MBD5: variants seen among roughly 807,000 people sequenced by gnomAD.
The protein encoded by MBD5 is methyl-CpG binding domain protein 5, also known as methyl-CpG-binding domain protein 5.
Under a neutral mutation model 117.3 loss-of-function variants are expected in MBD5, and 13 were observed. The ratio of observed to expected loss-of-function variants is 0.11; its 90% confidence interval spans 0.07 to 0.18. The LOEUF is 0.18. Among genes scored for constraint, MBD5 ranks in the 10% least tolerant of loss-of-function variants. The probability of loss-of-function intolerance (pLI) is 1.00; values close to 1 mark genes in which losing one functional copy is unlikely to be tolerated. For missense variants in MBD5, 1,879 were observed against 2,093.8 expected (o/e 0.90, Z 2.00); for synonymous variants, 727 against 766.4 (o/e 0.95, Z 0.85).
At chr2:148,511,145 T>A (rs1033200497) in intron 13 of MBD5, among the ~76,000 whole-genome samples, 2 of 152,154 alleles carry the variant, frequency 1.3e-5, no homozygotes, top group Non-Finnish European at 2.9e-5. Context: ...TCTTAGGACC[T>A]CAGAGTGCTC....
At chr2:148,427,310 C>T (rs531083206) in intron 4 of MBD5, among the ~76,000 whole-genome samples, 159 of 152,188 alleles carry the variant, frequency 1.0e-3, no homozygotes, top group African/African-American at 3.7e-3. Context: ...GGGTATATAC[C>T]CAAAGGATTA....
At chr2:148,075,650 A>G (rs1461122207) in intron 1 of MBD5, among the ~76,000 whole-genome samples, 1 of 145,286 alleles carries the variant, frequency 6.9e-6, no homozygotes, top group Admixed American at 6.8e-5. Flanking sequence ...TTTTTTTTTT[A>G]ACAGTTGTTT....
At chr2:148,492,842 T>A (rs750319693) in intron 11 of MBD5, among the ~76,000 whole-genome samples, 66 of 152,190 alleles carry the variant, frequency 4.3e-4, no homozygotes, top group South Asian at 8.3e-4. Context: ...TAAAACTATG[T>A]TCAATATCTG....
intron 4 of MBD5, among the ~76,000 whole-genome samples, chr2:148,356,565 A>G (rs1703385770): frequency 6.6e-6 from 1 of 152,192 alleles, no homozygotes; most frequent in African/African-American, 2.4e-5. Flanking sequence ...ACCAGCTGAC[A>G]CTAAATAAGT....
chr2:148,154,337 C>T (rs1697794801), intron 1 of MBD5, among the ~76,000 whole-genome samples: 1 of 151,922 alleles, frequency 6.6e-6, no homozygotes, highest in Admixed American at 6.6e-5. Context: ...CTCTTCAAAG[C>T]TGTCAGACAG....
intron 1 of MBD5, among the ~76,000 whole-genome samples, chr2:148,173,867 A>C (rs1484311272): frequency 1.3e-5 from 2 of 152,206 alleles, no homozygotes; most frequent in Non-Finnish European, 2.9e-5. Flanking sequence ...ATATTACCCA[A>C]AATTATCTAC....
intron 3 of MBD5, among the ~76,000 whole-genome samples, chr2:148,281,730 T>C (rs1282982394): frequency 6.6e-6 from 1 of 152,110 alleles, no homozygotes; most frequent in African/African-American, 2.4e-5. Context: ...ATTGAGTCAG[T>C]GGGTGGATTG....
At chr2:148,258,921 T>A (rs1439847011) in intron 3 of MBD5, among the ~76,000 whole-genome samples, 1 of 152,120 alleles carries the variant, frequency 6.6e-6, no homozygotes, top group Non-Finnish European at 1.5e-5. Context: ...ATAGCAGTGG[T>A]CACTTCATGT....
intron 1 of MBD5, among the ~76,000 whole-genome samples, chr2:148,087,753 C>G (rs1558920132): frequency 1.3e-5 from 2 of 152,172 alleles, no homozygotes; most frequent in Non-Finnish European, 1.5e-5. Context: ...CTACCATAGT[C>G]TACCCAAATG....
At chr2:148,294,301 T>G (rs1442184897) in intron 3 of MBD5, among the ~76,000 whole-genome samples, 2 of 145,566 alleles carry the variant, frequency 1.4e-5, no homozygotes, top group Non-Finnish European at 3.0e-5. Flanking sequence ...CTCGGCTCAC[T>G]GCAAGCTCTG....
At chr2:148,055,335 C>T (rs988320215) in intron 1 of MBD5, 22 of 151,904 alleles carry the variant, frequency 1.4e-4, no homozygotes, top group African/African-American at 5.3e-4. Flanking sequence ...GATTAAATTT[C>T]CGTTCAGGGT....
At chr2:148,159,304 TTTG>T (rs529416379) in intron 1 of MBD5, among the ~76,000 whole-genome samples, 24 of 151,896 alleles carry the variant, frequency 1.6e-4, no homozygotes, top group African/African-American at 3.4e-4. Context: ...TTATACTTGT[TTTG>T]TTGTTGTTGT....
intron 4 of MBD5, among the ~76,000 whole-genome samples, chr2:148,383,926 A>G (rs1254871224): frequency 6.6e-6 from 1 of 152,038 alleles, no homozygotes; most frequent in Non-Finnish European, 1.5e-5. Context: ...CATGCTAAAA[A>G]CTCTCAATAC....
At chr2:148,362,103 A>G (rs1432003693) in intron 4 of MBD5, among the ~76,000 whole-genome samples, 1 of 151,894 alleles carries the variant, frequency 6.6e-6, no homozygotes, top group African/African-American at 2.4e-5. Flanking sequence ...TTTTTTTCAT[A>G]CCCCAGTGGC....
intron 3 of MBD5, among the ~76,000 whole-genome samples, chr2:148,298,884 T>A (rs1701716715): frequency 6.6e-6 from 1 of 152,058 alleles, no homozygotes; most frequent in Non-Finnish European, 1.5e-5. Context: ...ATTCTGTAGG[T>A]GATATACAAG....
chr2:148,170,979 T>A (rs1055879931), intron 1 of MBD5, among the ~76,000 whole-genome samples: 1 of 152,120 alleles, frequency 6.6e-6, no homozygotes, highest in Non-Finnish European at 1.5e-5. Context: ...AGTAAGGAGA[T>A]TGAATTAGTA....
chr2:148,413,249 G>C (rs941159254), intron 4 of MBD5, among the ~76,000 whole-genome samples: 1 of 151,946 alleles, frequency 6.6e-6, no homozygotes, highest in Non-Finnish European at 1.5e-5. Flanking sequence ...AGTTCTGTTC[G>C]TATGATAAAT....
chr2:148,230,121 A>G (rs963350864), intron 2 of MBD5, among the ~76,000 whole-genome samples: 3 of 152,180 alleles, frequency 2.0e-5, no homozygotes, highest in Non-Finnish European at 4.4e-5. Flanking sequence ...CCAGGCCTGT[A>G]TCCTTCACTT....
At chr2:148,050,811 G>A (rs1573955226) in intron 1 of MBD5, among the ~76,000 whole-genome samples, 1 of 152,044 alleles carries the variant, frequency 6.6e-6, no homozygotes, top group African/African-American at 2.4e-5. Context: ...CTGTAGCTTT[G>A]TGTAGTAAGT....
Sources: gnomAD v4.1 joint callset for allele counts (sites outside exome capture counted in the v4.1 genomes callset) on GRCh38, gnomAD v4.1.1 for gene constraint, MANE v1.5 for transcripts, NCBI Gene and HGNC (gene_info 2026-07-23, HGNC 2026-07-21) for gene names.